The following LYPLAL1 variants were observed in gnomAD, a reference collection of about 807,000 sequenced individuals.
The protein encoded by LYPLAL1 is lysophospholipase like 1.
Under a neutral mutation model 19.7 loss-of-function variants are expected in LYPLAL1, and 23 were observed. The observed-to-expected ratio is 1.17, with a 90% CI of 0.84 to 1.65. The LOEUF (loss-of-function observed/expected upper bound fraction) is 1.65. Among genes scored for constraint, LYPLAL1 ranks in the 40% most tolerant of loss-of-function variants. The probability of loss-of-function intolerance (pLI) is 0.00; values close to 1 mark genes in which losing one functional copy is unlikely to be tolerated. For missense variants in LYPLAL1, 355 were observed against 279.4 expected, an observed-to-expected ratio of 1.27 and a Z score of -1.93; for synonymous variants, 119 against 96.3, an observed-to-expected ratio of 1.24 and a Z score of -1.38.
chr1:219,302,827 G>T, the LYPLAL1 span, among the ~76,000 whole-genome samples: 2 of 152,008 alleles, frequency 1.3e-5, no homozygotes, highest in East Asian at 1.9e-4. Context: ...AGATCTTCTA[G>T]GTCATTCCAG....
At chr1:219,294,690 C>T in the LYPLAL1 span, among the ~76,000 whole-genome samples, 15,053 of 152,242 alleles carry the variant, frequency 0.099, 824 homozygotes, top group African/African-American at 0.11. Context: ...AGTACACATG[C>T]ATTGACCTCA....
chr1:219,407,368 T>A, the LYPLAL1 span, among the ~76,000 whole-genome samples: 1 of 152,232 alleles, frequency 6.6e-6, no homozygotes. Flanking sequence ...TAATATTGTT[T>A]ACTATAGGAA....
At chr1:219,186,582 A>G (rs1197018747) in intron 2 of LYPLAL1, among the ~76,000 whole-genome samples, 1 of 151,656 alleles carries the variant, frequency 6.6e-6, no homozygotes, top group Non-Finnish European at 1.5e-5. Context: ...AATTTGTGGT[A>G]ATACTCTGAA....
chr1:219,319,553 T>C, the LYPLAL1 span, among the ~76,000 whole-genome samples: 5 of 152,030 alleles, frequency 3.3e-5, no homozygotes, highest in African/African-American at 9.7e-5. Context: ...GAGCAAACCT[T>C]TTCTCCGCAC....
chr1:219,361,400 A>C, the LYPLAL1 span, among the ~76,000 whole-genome samples: 1 of 152,150 alleles, frequency 6.6e-6, no homozygotes, highest in Admixed American at 6.5e-5. Flanking sequence ...ATTAAGGTAG[A>C]TCTTTCTTTC....
At chr1:219,403,953 CT>C in the LYPLAL1 span, among the ~76,000 whole-genome samples, 1 of 152,066 alleles carries the variant, frequency 6.6e-6, no homozygotes, top group South Asian at 2.1e-4. Context: ...TCTCTCTGTT[CT>C]AAGGATAGAA....
the LYPLAL1 span, among the ~76,000 whole-genome samples, chr1:219,411,406 C>G: frequency 6.6e-6 from 1 of 152,056 alleles, no homozygotes; most frequent in Non-Finnish European, 1.5e-5. Context: ...TCTGGTGGGG[C>G]CTTGGAGAAC....
downstream of LYPLAL1, among the ~76,000 whole-genome samples, chr1:219,213,537 T>A (rs899306925): frequency 1.3e-5 from 2 of 152,058 alleles, no homozygotes; most frequent in Non-Finnish European, 2.9e-5. Context: ...TGTTGAATCT[T>A]CTAATCCACA....
chr1:219,294,114 C>T, the LYPLAL1 span, among the ~76,000 whole-genome samples: 15 of 152,280 alleles, frequency 9.9e-5, no homozygotes, highest in East Asian at 1.9e-3. Context: ...TAACATTTCA[C>T]GGAAGAGGAG....
downstream of LYPLAL1, among the ~76,000 whole-genome samples, chr1:219,214,694 T>C (rs916748420): frequency 3.4e-4 from 50 of 149,012 alleles, no homozygotes; most frequent in Admixed American, 1.8e-3. Flanking sequence ...TTTTCTTTTT[T>C]TTTTTTTTTT....
At chr1:219,326,300 G>A in the LYPLAL1 span, among the ~76,000 whole-genome samples, 6 of 150,568 alleles carry the variant, frequency 4.0e-5, no homozygotes, top group Admixed American at 6.6e-5. Flanking sequence ...GTTTTTGGTG[G>A]GTGGGGGGTT....
rs189093809 is a variant in LYPLAL1, at chr1:219,202,767, C to A, written c.362-7765C>A. Among the ~76,000 whole-genome samples, 5 of 152,102 alleles carry A rather than the reference C, an allele frequency of 3.3e-5. No homozygotes were observed. The East Asian group carries it at 9.7e-4, about 29-fold the overall frequency. On this transcript the variant is annotated intron_variant, in intron 3 of 4. Transcript: ENST00000366928. Reference sequence around the variant, plus strand: ...ATCATAGCTCACTGCAACCTAAACTCCTGGACTCAGTGATCCTCCTGCATC... The same window carrying A: ...ATCATAGCTCACTGCAACCTAAACTACTGGACTCAGTGATCCTCCTGCATC...
the LYPLAL1 span, among the ~76,000 whole-genome samples, chr1:219,226,545 G>C: frequency 1.3e-5 from 2 of 151,696 alleles, no homozygotes; most frequent in African/African-American, 2.4e-5. Context: ...GCTATCAGCT[G>C]AAAGTAACTG....
At chr1:219,219,069 G>T in the LYPLAL1 span, among the ~76,000 whole-genome samples, 1 of 152,160 alleles carries the variant, frequency 6.6e-6, no homozygotes, top group Non-Finnish European at 1.5e-5. Context: ...AGGAGGAAGT[G>T]TCTAGGACAG....
At chr1:219,317,078 A>G in the LYPLAL1 span, among the ~76,000 whole-genome samples, 20 of 152,234 alleles carry the variant, frequency 1.3e-4, no homozygotes, top group Admixed American at 3.9e-4. Flanking sequence ...AATTTAAAAA[A>G]TTGGAAAATT....
the LYPLAL1 span, among the ~76,000 whole-genome samples, chr1:219,246,682 G>A: frequency 6.6e-6 from 1 of 152,282 alleles, no homozygotes; most frequent in Non-Finnish European, 1.5e-5. Flanking sequence ...GATCTCCAGT[G>A]TTCAAGTGAT....
At chr1:219,405,206 A>G in the LYPLAL1 span, among the ~76,000 whole-genome samples, 2 of 152,236 alleles carry the variant, frequency 1.3e-5, no homozygotes, top group South Asian at 2.1e-4. Flanking sequence ...CATTAACAGC[A>G]TAAGTCTGCA....
chr1:219,380,409 T>A, the LYPLAL1 span, among the ~76,000 whole-genome samples: 1 of 152,188 alleles, frequency 6.6e-6, no homozygotes, highest in Admixed American at 6.5e-5. Context: ...CAAACAAACA[T>A]GCTCATTGGA....
chr1:219,443,339 T>C, the LYPLAL1 span, among the ~76,000 whole-genome samples: 1 of 152,196 alleles, frequency 6.6e-6, no homozygotes, highest in Non-Finnish European at 1.5e-5. Flanking sequence ...TTAATAATAA[T>C]AATGTTAGCA....
Sources: gnomAD v4.1 joint callset for allele counts (sites outside exome capture counted in the v4.1 genomes callset) on GRCh38, gnomAD v4.1.1 for gene constraint, MANE v1.5 for transcripts, NCBI Gene and HGNC (gene_info 2026-07-23, HGNC 2026-07-21) for gene names.